Variants in COL19A1 observed in about 807,000 individuals in gnomAD.
COL19A1 encodes collagen type XIX alpha 1 chain, also known as collagen alpha-1(XIX) chain.
Under a neutral mutation model 190.2 loss-of-function variants are expected in COL19A1, and 159 were observed. The observed-to-expected ratio is 0.84, with a 90% confidence interval of 0.73 to 0.95. COL19A1 has a LOEUF of 0.95. Among genes scored for constraint, COL19A1 ranks in the 40% least tolerant of loss-of-function variants. The pLI is 0.00. For missense variants in COL19A1, 1,418 were observed against 1,431.9 expected (o/e 0.99, Z 0.16); for synonymous variants, 509 against 458.9 (o/e 1.11, Z -1.39).
intron 9 of COL19A1, among the ~76,000 whole-genome samples, chr6:69,943,909 C>T (rs1773626516): frequency 6.6e-6 from 1 of 152,136 alleles, no homozygotes; most frequent in African/African-American, 2.4e-5. Flanking sequence ...CCTGTCCCAC[C>T]TGAGCCAAAA....
chr6:70,071,862 A>T (rs1781579349), intron 15 of COL19A1, among the ~76,000 whole-genome samples: 1 of 152,174 alleles, frequency 6.6e-6, no homozygotes, highest in Admixed American at 6.6e-5. Context: ...TGAAGGGTTC[A>T]GCAGAATTAA....
At chr6:69,951,675 A>G (rs1040168707) in intron 9 of COL19A1, among the ~76,000 whole-genome samples, 1 of 152,006 alleles carries the variant, frequency 6.6e-6, no homozygotes, top group Admixed American at 6.6e-5. Flanking sequence ...AATAACAGCC[A>G]TTTACTCAAA....
At chr6:69,955,510 T>C (rs1442820119) in intron 9 of COL19A1, among the ~76,000 whole-genome samples, 1 of 149,736 alleles carries the variant, frequency 6.7e-6, no homozygotes, top group East Asian at 2.0e-4. Flanking sequence ...AACTGTATAG[T>C]AGCCACAGCA....
intron 11 of COL19A1, among the ~76,000 whole-genome samples, chr6:69,967,879 T>C (rs1308008491): frequency 6.6e-6 from 1 of 152,228 alleles, no homozygotes; most frequent in Non-Finnish European, 1.5e-5. Flanking sequence ...CAAAATATAA[T>C]ATTCAAATGA....
intron 34 of COL19A1, among the ~76,000 whole-genome samples, chr6:70,159,655 C>T (rs917332497): frequency 1.8e-4 from 28 of 152,236 alleles, no homozygotes; most frequent in Non-Finnish European, 3.1e-4. Context: ...AGAACTTGGT[C>T]CTTGATCCCA....
intron 4 of COL19A1, among the ~76,000 whole-genome samples, chr6:69,925,428 C>G (rs1442245166): frequency 6.6e-6 from 1 of 152,244 alleles, no homozygotes; most frequent in South Asian, 2.1e-4. Context: ...GGGCTCTGTT[C>G]TGTTCCATTG....
chr6:69,877,691 A>G (rs1406647634), intron 1 of COL19A1, among the ~76,000 whole-genome samples: 1 of 152,154 alleles, frequency 6.6e-6, no homozygotes, highest in African/African-American at 2.4e-5. Context: ...ATACAATGCA[A>G]AAAGCATAGG....
chr6:70,019,647 A>G (rs1349306832), intron 11 of COL19A1, among the ~76,000 whole-genome samples: 1 of 152,066 alleles, frequency 6.6e-6, no homozygotes, highest in East Asian at 1.9e-4. Context: ...TCCTTTGGTT[A>G]GGATTTCGTT....
At chr6:69,995,370 G>T (rs1463432732) in intron 11 of COL19A1, among the ~76,000 whole-genome samples, 3 of 152,172 alleles carry the variant, frequency 2.0e-5, no homozygotes, top group South Asian at 4.1e-4. Context: ...TTTTCCAAAA[G>T]CCTAGCTTTC....
chr6:70,172,086 GC>G (rs1765534454), intron 41 of COL19A1, 69 bp downstream of exon 41: 8 of 1,439,776 alleles, frequency 5.6e-6, no homozygotes, highest in Non-Finnish European at 7.7e-6. Context: ...CACCTAATGT[GC>G]CAAAAACTGT....
intron 15 of COL19A1, among the ~76,000 whole-genome samples, chr6:70,080,405 T>G (rs1049297024): frequency 6.6e-6 from 1 of 152,118 alleles, no homozygotes; most frequent in African/African-American, 2.4e-5. Flanking sequence ...TTTTGCTAGG[T>G]TTTTCAAGCT....
chr6:69,867,438 G>C (rs930501762), intron 1 of COL19A1: 2 of 153,124 alleles, frequency 1.3e-5, no homozygotes, highest in African/African-American at 4.8e-5. Context: ...AGGAAGACGC[G>C]GCCCCAGCCT....
intron 24 of COL19A1, 35 bp from the exon 25 acceptor site, chr6:70,144,883 G>A: frequency 2.3e-6 from 3 of 1,326,194 alleles, no homozygotes; most frequent in Non-Finnish European, 3.2e-6. Context: ...ATGAACCTGA[G>A]CATCAAAGTA....
chr6:70,200,717 T>C (rs1042824794), intron 49 of COL19A1, among the ~76,000 whole-genome samples: 3 of 152,246 alleles, frequency 2.0e-5, no homozygotes, highest in Admixed American at 2.0e-4. Context: ...TTTTCTGAAG[T>C]GTCCCAAGGT....
intron 46 of COL19A1, among the ~76,000 whole-genome samples, chr6:70,187,169 C>A (rs1038414191): frequency 1.3e-5 from 2 of 152,114 alleles, no homozygotes; most frequent in African/African-American, 2.4e-5. Flanking sequence ...CGTGAGCCAC[C>A]GCGCCTGGCC....
At chr6:70,118,500 C>T (rs1032638420) in intron 16 of COL19A1, among the ~76,000 whole-genome samples, 2 of 152,160 alleles carry the variant, frequency 1.3e-5, no homozygotes, top group Admixed American at 6.5e-5. Context: ...GTATTGCCTG[C>T]AGGGTAGACG....
At chr6:70,025,653 G>C (rs1189684461) in intron 12 of COL19A1, among the ~76,000 whole-genome samples, 1 of 152,180 alleles carries the variant, frequency 6.6e-6, no homozygotes, top group Non-Finnish European at 1.5e-5. Context: ...TGTGTTTTCT[G>C]TTCTTTCTAT....
chr6:70,006,523 T>G (rs1457607606), intron 11 of COL19A1, among the ~76,000 whole-genome samples: 1 of 152,180 alleles, frequency 6.6e-6, no homozygotes, highest in Non-Finnish European at 1.5e-5. Context: ...CGGTGAAGGA[T>G]TCACACGCTT....
At chr6:69,883,510 A>G (rs1768704118) in intron 2 of COL19A1, among the ~76,000 whole-genome samples, 1 of 152,212 alleles carries the variant, frequency 6.6e-6, no homozygotes, top group Non-Finnish European at 1.5e-5. Context: ...ATACATTGTT[A>G]TTAAAGTACA....
Sources: allele counts gnomAD v4.1 joint callset (sites outside exome capture counted in the v4.1 genomes callset), GRCh38; gene constraint gnomAD v4.1.1; transcripts MANE v1.5; gene names NCBI Gene and HGNC (gene_info 2026-07-23, HGNC 2026-07-21).